The following SENP7 variants were observed in gnomAD, a reference collection of about 807,000 sequenced individuals.
SENP7 encodes sentrin-specific protease 7.
In SENP7, 64 loss-of-function variants were observed where a neutral mutation model predicts 141.2. That is an observed-to-expected ratio of 0.45 (90% CI 0.37 to 0.56). The LOEUF is 0.56. Among genes scored for constraint, SENP7 ranks in the 20% least tolerant of loss-of-function variants. The pLI is 0.00. For synonymous variants in SENP7, 382 were observed against 426.4 expected (o/e 0.90, Z 1.28); for missense variants, 1,025 against 1,212.2 (o/e 0.85, Z 2.29).
At chr3:101,375,574 T>G (rs1160913749) in intron 6 of SENP7, among the ~76,000 whole-genome samples, 3 of 120,690 alleles carry the variant, frequency 2.5e-5, no homozygotes, top group African/African-American at 6.2e-5. Flanking sequence ...AAAAAGAAGC[T>G]AAACACATAA....
At chr3:101,361,903 A>G in intron 10 of SENP7, 42 bp from the exon 11 acceptor site, 1 of 1,537,032 alleles carries the variant, frequency 6.5e-7, no homozygotes, top group Non-Finnish European at 8.7e-7. Context: ...ATTCTTAAGT[A>G]CTATATAAAT....
chr3:101,397,022 C>T lies in SENP7; in HGVS notation c.677+1839G>A, dbSNP rs190357997. ...CCACGCCCAGCTAATTTTGTATTTTCGGTAGAGACAAGGTTTCACCATGTT... is the reference window on the plus strand; with the variant it reads ...CCACGCCCAGCTAATTTTGTATTTTTGGTAGAGACAAGGTTTCACCATGTT... On this transcript the variant is annotated intron_variant, in intron 6 of 23. Coordinates refer to ENST00000394095, the MANE Select transcript of SENP7 (RefSeq NM_020654.5). 7.1e-4 allele frequency among the ~76,000 whole-genome samples: 108 copies of T among 152,086 alleles called. 2 individuals carry two copies. Among genetic ancestry groups the T allele is most frequent in the African/African-American group, 2.5e-3 (104 of 41,506 alleles).
At chr3:101,411,923 C>T (rs1265290271) in intron 5 of SENP7, among the ~76,000 whole-genome samples, 2 of 152,148 alleles carry the variant, frequency 1.3e-5, no homozygotes, top group East Asian at 3.8e-4. Context: ...AGAAAGTATA[C>T]TGGCCTGAGA....
intron 1 of SENP7, among the ~76,000 whole-genome samples, chr3:101,502,441 T>G (rs1314476289): frequency 2.0e-5 from 3 of 152,166 alleles, no homozygotes; most frequent in Admixed American, 2.0e-4. Flanking sequence ...TAGCTGGGAT[T>G]ACAGGTATGC....
chr3:101,496,671 G>A (rs532069487), intron 2 of SENP7, among the ~76,000 whole-genome samples: 16 of 148,674 alleles, frequency 1.1e-4, no homozygotes, highest in Admixed American at 6.2e-4. Flanking sequence ...CTCCGCCCCC[G>A]AGTTCAAACA....
chr3:101,367,339 T>A (rs1227627789), intron 8 of SENP7, among the ~76,000 whole-genome samples: 1 of 152,060 alleles, frequency 6.6e-6, no homozygotes, highest in Non-Finnish European at 1.5e-5. Context: ...TACTAAGTCT[T>A]TGAAAATAGA....
At chr3:101,393,435 A>C (rs1375784590) in intron 6 of SENP7, among the ~76,000 whole-genome samples, 1 of 152,212 alleles carries the variant, frequency 6.6e-6, no homozygotes, top group East Asian at 1.9e-4. Context: ...CAAATCATAC[A>C]TCTCACTAGG....
In SENP7 at chr3:101,343,830, C is replaced by T. The variant is rs79632092; in HGVS notation, c.1962G>A (p.Pro654=). 1,065 of 1,613,730 alleles carry T rather than the reference C, an allele frequency of 6.6e-4. 13 individuals are homozygous for T. In the East Asian group the frequency reaches 0.02, roughly 31 times the overall value. The part of the protein sequence containing the change: ...IISGELELSY[P]LSWVQAFPLF... Reference sequence around the variant, plus strand: ...AAGGAAATGCCTGAACCCAAGACAACGGGTAAGAAAGCTCTAATTCTCCAC... The same window carrying T: ...AAGGAAATGCCTGAACCCAAGACAATGGGTAAGAAAGCTCTAATTCTCCAC... The change falls in exon 14 of 24, where the codon CCG becomes CCA. Residue 654 remains proline (P), a synonymous_variant. Coordinates refer to ENST00000394095, the MANE Select transcript of SENP7 (RefSeq NM_020654.5).
At chr3:101,470,216 T>C (rs981622994) in intron 3 of SENP7, among the ~76,000 whole-genome samples, 1 of 151,716 alleles carries the variant, frequency 6.6e-6, no homozygotes, top group African/African-American at 2.4e-5. Context: ...AGGCAAGAAA[T>C]AACTAAGATC....
intron 4 of SENP7, among the ~76,000 whole-genome samples, chr3:101,423,875 A>T (rs574045105): frequency 1.6e-4 from 24 of 152,258 alleles, no homozygotes; most frequent in African/African-American, 5.8e-4. Context: ...AGACCCCTCA[A>T]CCACCACGGA....
At chr3:101,443,557 C>T (rs1447475751) in intron 4 of SENP7, among the ~76,000 whole-genome samples, 3 of 151,666 alleles carry the variant, frequency 2.0e-5, no homozygotes, top group East Asian at 1.9e-4. Context: ...GTCATTTTCA[C>T]GATATTGATT....
chr3:101,330,333 C>T lies in SENP7; in HGVS notation c.2751+1G>A. 6.3e-7 allele frequency: 1 copy of T among 1,598,356 alleles called. No homozygotes were observed. The highest frequency in any genetic ancestry group is 8.6e-7 in the Non-Finnish European group (1 of 1,166,456). On this transcript the variant is annotated splice_donor_variant, in intron 20 of 23. Transcript: ENST00000394095. LOFTEE classifies it high-confidence loss of function. ...TTCCCATCTGTAAAGAACACACTTA[C>T]TTGGGAATCCTCTGCACTCAAAGAC...
intron 11 of SENP7, chr3:101,357,763 A>C: frequency 1.6e-6 from 1 of 629,704 alleles, no homozygotes; most frequent in Middle Eastern, 2.7e-4. Flanking sequence ...AAAACTTTTA[A>C]ATGTAAAGAA....
intron 4 of SENP7, among the ~76,000 whole-genome samples, chr3:101,456,001 G>A (rs1576409634): frequency 6.6e-6 from 1 of 152,094 alleles, no homozygotes; most frequent in East Asian, 1.9e-4. Flanking sequence ...ACTAGGATTT[G>A]GAAATGACTC....
At chr3:101,396,572 TAAAAG>T (rs1202904403) in intron 6 of SENP7, among the ~76,000 whole-genome samples, 1 of 152,134 alleles carries the variant, frequency 6.6e-6, no homozygotes, top group Non-Finnish European at 1.5e-5. Context: ...AAGTGAGATT[TAAAAG>T]AAAAGAAAAA....
chr3:101,326,179 TA>T, intron 23 of SENP7, 99 bp from the exon 24 acceptor site: 1 of 954,158 alleles, frequency 1.0e-6, no homozygotes, highest in African/African-American at 1.7e-5. Flanking sequence ...CTAACTTTTT[TA>T]AAATAACAAT....
rs1242608391 is a variant in SENP7 at position 101,325,325 on chromosome 3, A to G, written c.*618T>C. 1 of 152,270 alleles carries G rather than the reference A, an allele frequency of 6.6e-6. No individual in the cohort carries two copies. The highest frequency in any genetic ancestry group is 1.5e-5 in the Non-Finnish European group (1 of 67,922). The allele number at this position is 152,270 out of a possible 1,614,324, so 9.4% of individuals were successfully genotyped here. On this transcript the variant is annotated 3_prime_UTR_variant, in exon 24 of 24. Coordinates refer to ENST00000394095, the MANE Select transcript of SENP7 (RefSeq NM_020654.5). Reference sequence around the variant, plus strand: ...GAAAAAAAAAAAGCAGAGTAATCGTATTTAGCAATTGAGAATAATAAGCTG... The same window carrying G: ...GAAAAAAAAAAAGCAGAGTAATCGTGTTTAGCAATTGAGAATAATAAGCTG...
chr3:101,375,369 T>G (rs2060292939), intron 6 of SENP7, among the ~76,000 whole-genome samples: 1 of 151,296 alleles, frequency 6.6e-6, no homozygotes, highest in African/African-American at 2.4e-5. Context: ...ATGGAGAAAC[T>G]CCGTCTCTAC....
At chr3:101,442,542 T>C (rs1004124414) in intron 4 of SENP7, among the ~76,000 whole-genome samples, 5 of 152,052 alleles carry the variant, frequency 3.3e-5, no homozygotes, top group Non-Finnish European at 5.9e-5. Context: ...GCCTGGTTCC[T>C]AACAGGCCAC....
Sources: allele counts gnomAD v4.1 joint callset (sites outside exome capture counted in the v4.1 genomes callset), GRCh38; gene constraint gnomAD v4.1.1; transcripts MANE v1.5; gene names NCBI Gene and HGNC (gene_info 2026-07-23, HGNC 2026-07-21).